Variants in CLNK observed in about 807,000 individuals in gnomAD.
CLNK encodes cytokine-dependent hematopoietic cell linker.
A neutral mutation model predicts 68.6 loss-of-function variants in CLNK; 74 were observed. The ratio of observed to expected loss-of-function variants is 1.08; its 90% CI spans 0.89 to 1.31. CLNK has a LOEUF of 1.31. Ranked by LOEUF, CLNK falls within the 50% of genes most tolerant of loss-of-function variation. The pLI, the probability that CLNK is intolerant of heterozygous loss-of-function variation, is 0.00. For missense variants in CLNK, 553 were observed against 515.3 expected (o/e 1.07, Z -0.71); for synonymous variants, 198 against 172.2 (o/e 1.15, Z -1.17).
intron 8 of CLNK, among the ~76,000 whole-genome samples, chr4:10,545,890 A>G (rs896179988): frequency 4.6e-5 from 7 of 152,144 alleles, no homozygotes; most frequent in African/African-American, 1.4e-4. Flanking sequence ...AAGGGCCTCA[A>G]CTGGGGTTGC....
At chr4:10,533,894 C>A (rs1297578580) in intron 11 of CLNK, among the ~76,000 whole-genome samples, 4 of 152,092 alleles carry the variant, frequency 2.6e-5, no homozygotes, top group African/African-American at 9.7e-5. Context: ...CATTTACTTT[C>A]TTGGATTTAC....
At chr4:10,512,864 G>A (rs922341800) in intron 16 of CLNK, among the ~76,000 whole-genome samples, 1 of 151,204 alleles carries the variant, frequency 6.6e-6, no homozygotes, top group Non-Finnish European at 1.5e-5. Context: ...GGTAATGTAA[G>A]TAAAAAATGG....
At chr4:10,686,159 C>G (rs2108906526), upstream of CLNK, among the ~76,000 whole-genome samples, 1 of 152,218 alleles carries the variant, frequency 6.6e-6, no homozygotes, top group East Asian at 1.9e-4. Context: ...TTGTGGGTGT[C>G]TTTGTATCCT....
At chr4:10,537,345 C>T (rs1247080865) in intron 11 of CLNK, among the ~76,000 whole-genome samples, 1 of 152,044 alleles carries the variant, frequency 6.6e-6, no homozygotes, top group Non-Finnish European at 1.5e-5. Flanking sequence ...GAGTGTGGTG[C>T]CACACAGCTG....
intron 13 of CLNK, among the ~76,000 whole-genome samples, chr4:10,527,175 G>A (rs2109054665): frequency 6.6e-6 from 1 of 152,330 alleles, no homozygotes; most frequent in South Asian, 2.1e-4. Context: ...TCATTGTTGT[G>A]TTGCCTGATG....
chr4:10,705,605 T>C, the CLNK span, among the ~76,000 whole-genome samples: 1 of 151,706 alleles, frequency 6.6e-6, no homozygotes, highest in African/African-American at 2.4e-5. Flanking sequence ...TCTCATGTTG[T>C]ATCACTCTCA....
chr4:10,537,702 C>CTTTCTTT lies in CLNK; in HGVS notation c.602+2791_602+2792insAAAGAAA, dbSNP rs1288379203. On this transcript the variant is annotated intron_variant, in intron 11 of 18. Transcript: ENST00000226951. The stretch of plus-strand genomic sequence containing the variant: ...TTCTTCCTTCCTTCCTTCCTTCCTT[C>CTTTCTTT]CTTCCTTTCTTTCTTTCTTTCTTTC... Among the ~76,000 whole-genome samples the CTTTCTTT allele has an allele frequency of 3.5e-3, 82 of 23,100 alleles. 3 individuals carry two copies. The highest frequency in any genetic ancestry group is 0.011 in the East Asian group (7 of 636). The allele number at this position is 23,100 out of a possible 152,430, so 15.2% of individuals were successfully genotyped here.
chr4:10,680,208 T>A (rs1725042257), intron 1 of CLNK, among the ~76,000 whole-genome samples: 1 of 151,984 alleles, frequency 6.6e-6, no homozygotes, highest in Non-Finnish European at 1.5e-5. Context: ...TGAGTTCATG[T>A]CCTTTGTAGG....
chr4:10,725,492 A>G, the CLNK span, among the ~76,000 whole-genome samples: 2 of 152,070 alleles, frequency 1.3e-5, no homozygotes, highest in Non-Finnish European at 1.5e-5. Flanking sequence ...TTCCTCGGCC[A>G]TCAGAAGTGA....
At chr4:10,513,330 A>C in intron 16 of CLNK, 134 bp downstream of exon 16, 7 of 686,456 alleles carry the variant, frequency 1.0e-5, no homozygotes, top group Non-Finnish European at 1.6e-5. Context: ...AAATATTAAA[A>C]CCCAGTAACA....
At chr4:10,531,609 T>A (rs1718544689) in intron 12 of CLNK, 1 of 377,678 alleles carries the variant, frequency 2.6e-6, no homozygotes, top group Non-Finnish European at 5.2e-6. Flanking sequence ...ACCTGGCTAA[T>A]TTTGTATTTT....
At chr4:10,654,384 AATATATATAT>A (rs71281268) in intron 2 of CLNK, among the ~76,000 whole-genome samples, 1 of 84,136 alleles carries the variant, frequency 1.2e-5, no homozygotes, top group East Asian at 3.4e-4. Context: ...ATATTGATTA[AATATATATAT>A]ATATATATAG....
chr4:10,673,557 C>T (rs1194560363), intron 1 of CLNK, among the ~76,000 whole-genome samples: 1 of 151,796 alleles, frequency 6.6e-6, no homozygotes, highest in Non-Finnish European at 1.5e-5. Flanking sequence ...TCTCAGCAAA[C>T]TATTGCAAGG....
intron 1 of CLNK, among the ~76,000 whole-genome samples, chr4:10,675,095 T>C (rs1342092780): frequency 6.6e-6 from 1 of 152,132 alleles, no homozygotes; most frequent in African/African-American, 2.4e-5. Context: ...TGGCACATGT[T>C]TACCTACGTA....
At chr4:10,719,859 T>C in the CLNK span, among the ~76,000 whole-genome samples, 71 of 152,230 alleles carry the variant, frequency 4.7e-4, no homozygotes, top group African/African-American at 1.6e-3. Context: ...TTTAAAATCA[T>C]ACAGAGCCAA....
chr4:10,714,520 G>C, the CLNK span, among the ~76,000 whole-genome samples: 1 of 152,162 alleles, frequency 6.6e-6, no homozygotes, highest in African/African-American at 2.4e-5. Flanking sequence ...TAGGTATATA[G>C]TGTTCAAATG....
intron 3 of CLNK, among the ~76,000 whole-genome samples, chr4:10,585,326 T>G (rs61795144): frequency 0.041 from 6,201 of 152,324 alleles, 188 homozygotes; most frequent in Middle Eastern, 0.099. Context: ...AAGTTCTGCC[T>G]AAAGGTTTCT....
intron 11 of CLNK, among the ~76,000 whole-genome samples, chr4:10,537,054 G>A (rs1422097457): frequency 6.6e-6 from 1 of 152,142 alleles, no homozygotes; most frequent in African/African-American, 2.4e-5. Context: ...CTTCACCTGG[G>A]GGAGCCTTAA....
At chr4:10,726,313 G>T in the CLNK span, among the ~76,000 whole-genome samples, 1 of 152,154 alleles carries the variant, frequency 6.6e-6, no homozygotes, top group African/African-American at 2.4e-5. Context: ...TGGAGATAAG[G>T]TTTCACCATG....
Sources: allele counts gnomAD v4.1 joint callset (sites outside exome capture counted in the v4.1 genomes callset), GRCh38; gene constraint gnomAD v4.1.1; transcripts MANE v1.5; gene names NCBI Gene and HGNC (gene_info 2026-07-23, HGNC 2026-07-21).